Variants in GREM2 observed in about 807,000 individuals in gnomAD.
GREM2 encodes gremlin-2.
A neutral mutation model predicts 14.2 loss-of-function variants in GREM2; 11 were observed. That is an observed-to-expected ratio of 0.78 (90% CI 0.49 to 1.28). The LOEUF (loss-of-function observed/expected upper bound fraction) is 1.28. Ranked by LOEUF, GREM2 falls within the 50% of genes most tolerant of loss-of-function variation. The probability of loss-of-function intolerance (pLI) is 0.00; values close to 1 mark genes in which losing one functional copy is unlikely to be tolerated. For missense variants in GREM2, 210 were observed against 218.5 expected (o/e 0.96, Z 0.24); for synonymous variants, 98 against 97.6 (o/e 1.00, Z -0.02).
intron 1 of GREM2, among the ~76,000 whole-genome samples, chr1:240,531,937 G>A (rs535011694): frequency 7.2e-5 from 11 of 151,986 alleles, no homozygotes; most frequent in Non-Finnish European, 1.0e-4. Flanking sequence ...AATTGGAAAC[G>A]ATAGCCATTG....
intron 1 of GREM2, among the ~76,000 whole-genome samples, chr1:240,601,177 T>C (rs192028817): frequency 1.5e-3 from 231 of 152,300 alleles, no homozygotes; most frequent in African/African-American, 5.2e-3. Context: ...CAATAATAAT[T>C]GAGTTTTTAT....
chr1:240,500,829 ATT>A (rs1049096763), intron 1 of GREM2, among the ~76,000 whole-genome samples: 2 of 152,178 alleles, frequency 1.3e-5, no homozygotes, highest in Non-Finnish European at 2.9e-5. Context: ...GCATGTGTTT[ATT>A]TATGCCCATC....
intron 1 of GREM2, among the ~76,000 whole-genome samples, chr1:240,512,956 G>C (rs982178688): frequency 2.0e-5 from 3 of 152,188 alleles, no homozygotes; most frequent in African/African-American, 7.2e-5. Flanking sequence ...TGTGCCAGGT[G>C]CAGTGGTGGG....
In GREM2 at chr1:240,602,538, G is replaced by A. The variant is rs547587722; in HGVS notation, c.-2+9346C>T. ...TCACATCGTAGCAGAAGAGAAAAGA[G>A]CATGAAAAGAGAATTCCAGCCTGTA... On this transcript the variant is annotated intron_variant, in intron 1 of 1. Coordinates refer to ENST00000318160, the MANE Select transcript of GREM2 (RefSeq NM_022469.4). 1.2e-4 allele frequency among the ~76,000 whole-genome samples: 18 copies of A among 152,296 alleles called. No individual in the cohort carries two copies. The South Asian group carries it at 3.7e-3, about 32-fold the overall frequency.
chr1:240,592,619 G>A (rs1385865412), intron 1 of GREM2, among the ~76,000 whole-genome samples: 1 of 152,122 alleles, frequency 6.6e-6, no homozygotes, highest in Admixed American at 6.5e-5. Flanking sequence ...AACTCTGCAC[G>A]TGATTATGTA....
intron 1 of GREM2, among the ~76,000 whole-genome samples, chr1:240,599,903 A>C (rs1679888031): frequency 1.3e-5 from 2 of 152,336 alleles, no homozygotes; most frequent in South Asian, 4.1e-4. Flanking sequence ...AAATAATCCA[A>C]ATGAAACAAC....
intron 1 of GREM2, among the ~76,000 whole-genome samples, chr1:240,595,503 C>G (rs1479869189): frequency 6.6e-6 from 1 of 152,162 alleles, no homozygotes; most frequent in Non-Finnish European, 1.5e-5. Context: ...CTTCAAATAT[C>G]CCAGCAGGAT....
intron 1 of GREM2, among the ~76,000 whole-genome samples, chr1:240,556,179 A>T (rs1446938991): frequency 6.6e-6 from 1 of 152,220 alleles, no homozygotes; most frequent in African/African-American, 2.4e-5. Flanking sequence ...AGTGGAACAC[A>T]GGACACCAGT....
intron 1 of GREM2, among the ~76,000 whole-genome samples, chr1:240,497,441 G>A (rs1236273218): frequency 6.6e-6 from 1 of 151,962 alleles, no homozygotes; most frequent in Non-Finnish European, 1.5e-5. Context: ...TGGCCACAAA[G>A]TATAGTGAGG....
At chr1:240,578,715 C>T (rs992224549) in intron 1 of GREM2, among the ~76,000 whole-genome samples, 5 of 151,692 alleles carry the variant, frequency 3.3e-5, no homozygotes, top group East Asian at 2.0e-4. Context: ...ACCTGGGAGG[C>T]GGAGGCTGCA....
Position 240,604,866 on chromosome 1 carries a change from T to G in GREM2, c.-2+7018A>C, listed in dbSNP as rs553517110. On this transcript the variant is annotated intron_variant, in intron 1 of 1. Transcript: ENST00000318160. ...CTAATTAGGAATAAATAGTAACTTCTCTTAGAAGCAAAATTTATTCAGACC... is the reference window on the plus strand; with the variant it reads ...CTAATTAGGAATAAATAGTAACTTCGCTTAGAAGCAAAATTTATTCAGACC... 1.6e-4 allele frequency among the ~76,000 whole-genome samples: 24 copies of G among 152,366 alleles called. No homozygotes were observed. The East Asian group carries it at 4.4e-3, about 28-fold the overall frequency.
At chr1:240,516,142 T>TC (rs397948192) in intron 1 of GREM2, among the ~76,000 whole-genome samples, 1 of 151,046 alleles carries the variant, frequency 6.6e-6, no homozygotes, top group African/African-American at 2.4e-5. Context: ...TTTTTTTTTT[T>TC]AAGAGATGGG....
chr1:240,572,124 C>T (rs1466356552), intron 1 of GREM2, among the ~76,000 whole-genome samples: 2 of 152,198 alleles, frequency 1.3e-5, no homozygotes, highest in African/African-American at 4.8e-5. Flanking sequence ...TTGTTGTCTT[C>T]TCCAGCTTCA....
chr1:240,497,415 T>A (rs1343501560), intron 1 of GREM2, among the ~76,000 whole-genome samples: 5 of 152,028 alleles, frequency 3.3e-5, no homozygotes, highest in African/African-American at 9.7e-5. Flanking sequence ...CCTCACCCAA[T>A]TCTGGTGGGA....
intron 1 of GREM2, among the ~76,000 whole-genome samples, chr1:240,501,659 C>T (rs563149393): frequency 1.9e-4 from 29 of 149,708 alleles, no homozygotes; most frequent in Middle Eastern, 3.4e-3. Flanking sequence ...CTGCTTCTCT[C>T]TAGGGTACAT....
intron 1 of GREM2, among the ~76,000 whole-genome samples, chr1:240,595,975 T>C (rs1030468052): frequency 6.6e-6 from 1 of 152,128 alleles, no homozygotes; most frequent in Non-Finnish European, 1.5e-5. Flanking sequence ...AGGACTGTTG[T>C]TAAGGCTTAA....
chr1:240,599,538 G>GGCT (rs1266533255), intron 1 of GREM2, among the ~76,000 whole-genome samples: 10 of 152,308 alleles, frequency 6.6e-5, no homozygotes, highest in African/African-American at 2.4e-4. Flanking sequence ...CCGGTCCAGA[G>GGCT]GCTGCATTTG....
At position 240,492,491 on chromosome 1, in the gene GREM2, T is replaced by C. The variant is rs3748534; in HGVS notation, c.*478A>G. Reference sequence around the variant, plus strand: ...GCCTGCCAGTCACAAGAATGAGCGCTCCCAGCCAGAGGTCCAGGGACCAGC... The same window carrying C: ...GCCTGCCAGTCACAAGAATGAGCGCCCCCAGCCAGAGGTCCAGGGACCAGC... On this transcript the variant is annotated 3_prime_UTR_variant, in exon 2 of 2. Transcript: ENST00000318160. 0.055 allele frequency: 10,355 copies of C among 186,822 alleles called. 326 individuals are homozygous for C. The highest frequency in any genetic ancestry group is 0.1 in the Middle Eastern group (43 of 412). 11.6% of individuals were successfully genotyped at this position (186,822 alleles called of 1,614,324 possible). A position where few individuals can be genotyped will look rare whatever the true frequency, so the allele number is the denominator to read the frequency against.
chr1:240,582,602 C>A (rs556875452), intron 1 of GREM2, among the ~76,000 whole-genome samples: 80 of 152,212 alleles, frequency 5.3e-4, no homozygotes, highest in Non-Finnish European at 9.9e-4. Flanking sequence ...TCAAGACCAG[C>A]CTGTCCAACA....
Sources: gnomAD v4.1 joint callset for allele counts (sites outside exome capture counted in the v4.1 genomes callset) on GRCh38, gnomAD v4.1.1 for gene constraint, MANE v1.5 for transcripts, NCBI Gene and HGNC (gene_info 2026-07-23, HGNC 2026-07-21) for gene names.